TRIM32: variants seen among roughly 807,000 people sequenced by gnomAD.
The protein encoded by TRIM32 is E3 ubiquitin-protein ligase TRIM32.
TRIM32 carries 19 observed loss-of-function variants against 36.0 expected under a neutral mutation model. The observed-to-expected ratio is 0.53, with a 90% confidence interval of 0.37 to 0.77. The LOEUF is 0.77. TRIM32 is among the 30% of genes least tolerant of loss of function. The probability of loss-of-function intolerance (pLI) is 0.00; values close to 1 mark genes in which losing one functional copy is unlikely to be tolerated. For missense variants in TRIM32, 747 were observed against 845.2 expected, an observed-to-expected ratio of 0.88 and a Z score of 1.44; for synonymous variants, 309 against 318.5, an observed-to-expected ratio of 0.97 and a Z score of 0.32.
At chr9:116,697,482 T>G in intron 1 of TRIM32, 180 bp from the exon 2 acceptor site, 1 of 479,034 alleles carries the variant, frequency 2.1e-6, no homozygotes, top group Non-Finnish European at 3.8e-6. Flanking sequence ...CTATGCAGTG[T>G]TTTGTCTGGT....
chr9:116,688,451 TG>T (rs1860386443), intron 1 of TRIM32, among the ~76,000 whole-genome samples: 1 of 152,186 alleles, frequency 6.6e-6, no homozygotes, highest in African/African-American at 2.4e-5. Context: ...TGTATGAAAC[TG>T]GATGAGTATA....
chr9:116,693,718 T>C lies in TRIM32; in HGVS notation c.-81-3944T>C, dbSNP rs150981665. 3.4e-3 allele frequency among the ~76,000 whole-genome samples: 522 copies of C among 152,288 alleles called. 15 individuals carry two copies. Among genetic ancestry groups the C allele is most frequent in the Admixed American group, 0.032 (484 of 15,300 alleles). On this transcript the variant is annotated intron_variant, in intron 1 of 1. Coordinates refer to ENST00000450136, the MANE Select transcript of TRIM32 (RefSeq NM_012210.4). ...TAGCATGTTGGATACTCATTCTGAT[T>C]GGTTGTACAGTTGATAGCTGGCAGA...
Position 116,698,650 on chromosome 9 carries a change from T to C in TRIM32, c.908T>C (p.Val303Ala). The C allele has an allele frequency of 6.2e-7, 1 of 1,614,138 alleles. No homozygotes were observed. The highest frequency in any genetic ancestry group is 1.1e-5 in the South Asian group (1 of 91,088). The change falls in exon 2 of 2, where the codon GTG becomes GCG. Residue 303 changes from valine to alanine, a missense_variant. Val to Ala is a moderately conservative substitution (Grantham distance 64). Transcript: ENST00000450136. This position sits in a 1 kb window ranked among gnomAD's most constrained non-coding sequence, Gnocchi z 4.4. Reference protein sequence around the residue: ...QAVKKPRTVNVEDSWAMEATA... With the variant: ...QAVKKPRTVNAEDSWAMEATA... ...GTTAAGAAGCCCCGGACAGTTAACG[T>C]GGAAGATTCCTGGGCCATGGAGGCC...
intron 1 of TRIM32, among the ~76,000 whole-genome samples, chr9:116,694,885 T>G: frequency 6.6e-6 from 1 of 152,112 alleles, no homozygotes; most frequent in African/African-American, 2.4e-5. Context: ...GCTCATGATA[T>G]ATGGTAAATA....
At chr9:116,688,442 G>A (rs999070442) in intron 1 of TRIM32, among the ~76,000 whole-genome samples, 2 of 152,166 alleles carry the variant, frequency 1.3e-5, no homozygotes, top group African/African-American at 2.4e-5. Flanking sequence ...TAAAAGTAAT[G>A]TATGAAACTG....
At chr9:116,697,190 T>C (rs1860905979) in intron 1 of TRIM32, among the ~76,000 whole-genome samples, 1 of 152,204 alleles carries the variant, frequency 6.6e-6, no homozygotes, top group Non-Finnish European at 1.5e-5. Flanking sequence ...TCCTGTGCTT[T>C]TCTCTTAGTG....
chr9:116,700,443 T>C lies in TRIM32; in HGVS notation c.*739T>C, dbSNP rs1193764022. ...AAGAAGCATATATGGGTTGGAATTA[T>C]GCCAAAGCATAGGAAGCTGGGAATA... On this transcript the variant is annotated 3_prime_UTR_variant, in exon 2 of 2. Transcript: ENST00000450136. The C allele has an allele frequency of 6.0e-6, 1 of 167,188 alleles. No homozygotes were observed. Among genetic ancestry groups the C allele is most frequent in the East Asian group, 1.9e-4 (1 of 5,202 alleles). The allele number at this position is 167,188 out of a possible 1,614,324, so 10.4% of individuals were successfully genotyped here. A position where few individuals can be genotyped will look rare whatever the true frequency, so the allele number is the denominator to read the frequency against.
chr9:116,697,267 G>A (rs1043910233), intron 1 of TRIM32: 3 of 165,636 alleles, frequency 1.8e-5, no homozygotes, highest in Non-Finnish European at 4.0e-5. Flanking sequence ...TTTATTACAA[G>A]TATACTACTT....
rs1165772522 is a variant in TRIM32, at chr9:116,699,252, G to T, written c.1510G>T (p.Val504Leu). ...TTTCACAGTTGATCGAGGATCAGGG[G>T]TGGTCAAATACAGCTGCCTATGTAG... ...WCFTVDRGSG[V>L]VKYSCLCSAV... Residue 504 changes from valine to leucine, a missense_variant, in exon 2 of 2, where the codon GTG becomes TTG. Transcript: ENST00000450136. The surrounding 1 kb of genome is among the most constrained non-coding windows in gnomAD (Gnocchi z 4.2). 1 of 1,614,246 alleles carries T rather than the reference G, an allele frequency of 6.2e-7. No individual in the cohort carries two copies. Among genetic ancestry groups the T allele is most frequent in the South Asian group, 1.1e-5 (1 of 91,090 alleles).
Position 116,699,820 on chromosome 9 carries a change from AG to A in TRIM32, c.*117del. The A allele has an allele frequency of 6.9e-7, 1 of 1,442,042 alleles. No homozygotes were observed. 89.3% of individuals were successfully genotyped at this position (1,442,042 alleles called of 1,614,324 possible). ...GCCTATGTCCTGATTCCAGCTGGGT[AG>A]TTCTAGAACTTCAGAAGCTCCATCT... On this transcript the variant is annotated 3_prime_UTR_variant, in exon 2 of 2. Coordinates refer to ENST00000450136, the MANE Select transcript of TRIM32 (RefSeq NM_012210.4). The surrounding 1 kb of genome is among the most constrained non-coding windows in gnomAD (Gnocchi z 4.2).
chr9:116,687,354 T>A lies in TRIM32; in HGVS notation c.-109T>A. On this transcript the variant is annotated 5_prime_UTR_variant, in exon 1 of 2. Coordinates refer to ENST00000450136, the MANE Select transcript of TRIM32 (RefSeq NM_012210.4). ...AGGCAGGCGGGTGGGCTGCCGGCGG[T>A]GGACTCGTCGGAGCCGCGGGCGGTC... The A allele has an allele frequency of 1.4e-6, 1 of 738,146 alleles. No homozygotes were observed. The highest frequency in any genetic ancestry group is 1.6e-6 in the Non-Finnish European group (1 of 614,432). The allele number at this position is 738,146 out of a possible 1,614,324, so 45.7% of individuals were successfully genotyped here.
chr9:116,687,310 A>C lies in TRIM32; in HGVS notation c.-153A>C. On this transcript the variant is annotated 5_prime_UTR_variant, in exon 1 of 2. Transcript: ENST00000450136. ...ATTGGCGCCCGGCAAGGGGTGCTCA[A>C]CGGCGCGTGCGCAGAGGGAGGCAGG... 1.0e-6 allele frequency: 1 copy of C among 978,972 alleles called. No individual in the cohort carries two copies. Among genetic ancestry groups the C allele is most frequent in the Non-Finnish European group, 1.2e-6 (1 of 825,772 alleles). The allele number at this position is 978,972 out of a possible 1,614,324, so 60.6% of individuals were successfully genotyped here.
Position 116,698,055 on chromosome 9 carries a change from C to T in TRIM32, c.313C>T (p.Arg105Trp), listed in dbSNP as rs201130164. The change falls in exon 2 of 2, where the codon CGG becomes TGG. Residue 105 changes from arginine (R) to tryptophan (W), a missense_variant. By Grantham distance (101) the Arg-to-Trp change is moderately radical. Coordinates refer to ENST00000450136, the MANE Select transcript of TRIM32 (RefSeq NM_012210.4). This position sits in a 1 kb window ranked among gnomAD's most constrained non-coding sequence, Gnocchi z 4.4. ...VGLLMCRSCG[R>W]RLPRQFCRSC... ...GCTGCTCATGTGTCGGTCCTGTGGGCGGCGTCTGCCCCGGCAATTCTGCCG... is the reference window on the plus strand; with the variant it reads ...GCTGCTCATGTGTCGGTCCTGTGGGTGGCGTCTGCCCCGGCAATTCTGCCG... 111 of 1,613,924 alleles carry T rather than the reference C, an allele frequency of 6.9e-5. No homozygotes were observed. The highest frequency in any genetic ancestry group is 5.0e-5 in the Admixed American group (3 of 60,026).
chr9:116,696,758 A>G (rs762878990), intron 1 of TRIM32, among the ~76,000 whole-genome samples: 91 of 152,176 alleles, frequency 6.0e-4, no homozygotes, highest in Non-Finnish European at 1.0e-3. Flanking sequence ...GACCTCTTGT[A>G]TCTAGTACAG....
At position 116,698,939 on chromosome 9, in the gene TRIM32, C is replaced by T. The variant is rs779442616; in HGVS notation, c.1197C>T (p.Thr399=). The change falls in exon 2 of 2, where the codon ACC becomes ACT. Residue 399 remains threonine, a synonymous_variant. Transcript: ENST00000450136. The surrounding 1 kb of genome is among the most constrained non-coding windows in gnomAD (Gnocchi z 4.4). ...GTAACTATCGTATACAAGTCTTTAC[C>T]CGCAAAGGCTTTTTGAAGGAAATCC... ...DRGNYRIQVF[T]RKGFLKEIRR... is the part of the protein sequence containing the mutation. 6.2e-7 allele frequency: 1 copy of T among 1,614,190 alleles called. No individual in the cohort carries two copies. Among genetic ancestry groups the T allele is most frequent in the Non-Finnish European group, 8.5e-7 (1 of 1,180,046 alleles).
rs779530342 is a variant in TRIM32, at chr9:116,697,954, C to T, written c.212C>T (p.Thr71Ile). 10 of 1,614,206 alleles carry T rather than the reference C, an allele frequency of 6.2e-6. No individual in the cohort carries two copies. The highest frequency in any genetic ancestry group is 7.6e-6 in the Non-Finnish European group (9 of 1,180,044). ...TTTTGCAGCAAGATTACCCGCATAACCAGCTTGACCCAGCTGACAGACAAT... is the reference window on the plus strand; with the variant it reads ...TTTTGCAGCAAGATTACCCGCATAATCAGCTTGACCCAGCTGACAGACAAT... ...CPFCSKITRI[T>I]SLTQLTDNLT... is the part of the protein sequence containing the mutation. Residue 71 changes from threonine to isoleucine, a missense_variant, in exon 2 of 2, where the codon ACC (threonine) becomes ATC (isoleucine). Thr to Ile is a moderately conservative substitution (Grantham distance 89). Coordinates refer to ENST00000450136, the MANE Select transcript of TRIM32 (RefSeq NM_012210.4).
chr9:116,687,831 G>T (rs977737475), intron 1 of TRIM32, among the ~76,000 whole-genome samples: 1 of 151,948 alleles, frequency 6.6e-6, no homozygotes, highest in Non-Finnish European at 1.5e-5. Context: ...GCAAGGACAG[G>T]GTCTGAGATG....
chr9:116,698,236 G>C lies in TRIM32; in HGVS notation c.494G>C (p.Arg165Pro). 1 of 1,614,124 alleles carries C rather than the reference G, an allele frequency of 6.2e-7. No homozygotes were observed. The highest frequency in any genetic ancestry group is 1.1e-5 in the South Asian group (1 of 91,070). The part of the protein sequence containing the change: ...RLRELMGELQ[R>P]RKAALEGVSK... Reference sequence around the variant, plus strand: ...CGGGAACTTATGGGGGAGCTGCAGCGGCGGAAGGCAGCCTTGGAAGGTGTC... The same window carrying C: ...CGGGAACTTATGGGGGAGCTGCAGCCGCGGAAGGCAGCCTTGGAAGGTGTC... The change falls in exon 2 of 2, where the codon CGG becomes CCG. Residue 165 changes from arginine to proline, a missense_variant. Transcript: ENST00000450136. This position sits in a 1 kb window ranked among gnomAD's most constrained non-coding sequence, Gnocchi z 4.4.
intron 1 of TRIM32, among the ~76,000 whole-genome samples, chr9:116,695,781 C>T (rs1447011435): frequency 1.3e-5 from 2 of 152,148 alleles, no homozygotes; most frequent in Non-Finnish European, 2.9e-5. Flanking sequence ...TGAGATCTCT[C>T]TGGGTCAACT....
Sources: allele counts gnomAD v4.1 joint callset (sites outside exome capture counted in the v4.1 genomes callset), GRCh38; gene constraint gnomAD v4.1.1; non-coding constraint Gnocchi (gnomAD v3.1); transcripts MANE v1.5; gene names NCBI Gene and HGNC (gene_info 2026-07-23, HGNC 2026-07-21).